The following TRPM6 variants were observed in gnomAD, a reference collection of about 807,000 sequenced individuals.
TRPM6 encodes the protein channel kinase 2.
A neutral mutation model predicts 247.6 loss-of-function variants in TRPM6; 111 were observed. That is an observed-to-expected ratio of 0.45 (90% CI 0.38 to 0.52). TRPM6 has a LOEUF of 0.52. TRPM6 is among the 20% of genes least tolerant of loss of function. The probability of loss-of-function intolerance (pLI) is 0.00; values close to 1 mark genes in which losing one functional copy is unlikely to be tolerated. For missense variants in TRPM6, 2,126 were observed against 2,421.5 expected, an observed-to-expected ratio of 0.88 and a Z score of 2.56; for synonymous variants, 892 against 853.8, an observed-to-expected ratio of 1.04 and a Z score of -0.78.
At chr9:74,828,093 C>G in intron 6 of TRPM6, 144 bp from the exon 7 acceptor site, 1 of 837,508 alleles carries the variant, frequency 1.2e-6, no homozygotes, top group Non-Finnish European at 1.8e-6. Context: ...GTGGCTCATG[C>G]CTGTAATCCC....
Position 74,725,046 on chromosome 9 carries a change from C to A in TRPM6, c.5936-300G>T, listed in dbSNP as rs114410984. ...ATAATCTGGCCAGAGTTAAGTAAGA[C>A]CAAATGGGAAATGGGGCATTTTACT... On this transcript the variant is annotated intron_variant, in intron 38 of 38. Coordinates refer to ENST00000360774, the MANE Select transcript of TRPM6 (RefSeq NM_017662.5). 5.6e-3 allele frequency among the ~76,000 whole-genome samples: 857 copies of A among 152,166 alleles called. 9 individuals carry two copies. Among genetic ancestry groups the A allele is most frequent in the African/African-American group, 0.02 (827 of 41,512 alleles).
At chr9:74,808,469 A>G (rs1264513930) in intron 13 of TRPM6, among the ~76,000 whole-genome samples, 1 of 152,218 alleles carries the variant, frequency 6.6e-6, no homozygotes, top group African/African-American at 2.4e-5. Context: ...ACACAAACAT[A>G]TATACACACA....
chr9:74,878,612 C>A (rs1368750811), intron 1 of TRPM6, among the ~76,000 whole-genome samples: 4 of 152,120 alleles, frequency 2.6e-5, no homozygotes, highest in Non-Finnish European at 4.4e-5. Context: ...GCCACATAAA[C>A]GTCTTCAGAA....
At chr9:74,782,034 A>G (rs1334143038) in intron 23 of TRPM6, among the ~76,000 whole-genome samples, 5 of 152,216 alleles carry the variant, frequency 3.3e-5, no homozygotes, top group Non-Finnish European at 7.3e-5. Context: ...GAGATGCTTT[A>G]AAGTATACAG....
At chr9:74,821,538 T>C in intron 8 of TRPM6, 131 bp downstream of exon 8, 1 of 1,101,416 alleles carries the variant, frequency 9.1e-7, no homozygotes, top group Non-Finnish European at 1.4e-6. Flanking sequence ...ACACAGTCAC[T>C]GAGAAATGAA....
At chr9:74,745,462 C>CGTGT (rs377055848) in intron 31 of TRPM6, among the ~76,000 whole-genome samples, 28 of 145,822 alleles carry the variant, frequency 1.9e-4, no homozygotes, top group East Asian at 1.2e-3. Context: ...TGTGTGTGTG[C>CGTGT]GTGTGTGTGT....
At chr9:74,873,920 G>T (rs1831107323) in intron 1 of TRPM6, among the ~76,000 whole-genome samples, 1 of 151,926 alleles carries the variant, frequency 6.6e-6, no homozygotes, top group Non-Finnish European at 1.5e-5. Flanking sequence ...TTTTTAGGAG[G>T]AAAAAGATGT....
chr9:74,861,909 G>A (rs1044459329), intron 1 of TRPM6, among the ~76,000 whole-genome samples: 1 of 151,886 alleles, frequency 6.6e-6, no homozygotes, highest in African/African-American at 2.4e-5. Flanking sequence ...CCCCATGCCA[G>A]TCATTTCTAT....
intron 7 of TRPM6, among the ~76,000 whole-genome samples, chr9:74,824,761 C>T (rs1382380683): frequency 6.6e-6 from 1 of 152,166 alleles, no homozygotes; most frequent in Admixed American, 6.6e-5. Context: ...ACAGAGGCAT[C>T]AGAGCCTATG....
Position 74,812,338 on chromosome 9 carries a change from G to A in TRPM6, c.1404C>T (p.Arg468=), listed in dbSNP as rs771130770. ...LLIEYGVNLH[R]FLTIPRLEEL... is the part of the protein sequence containing the mutation. ...CTTCCAGTCGAGGGATGGTAAGAAA[G>A]CGATGGAGGTTCACTCCATATTCTA... The change falls in exon 12 of 39, where the codon CGC becomes CGT. Residue 468 remains arginine (R), a synonymous_variant. Coordinates refer to ENST00000360774, the MANE Select transcript of TRPM6 (RefSeq NM_017662.5). 6.2e-7 allele frequency: 1 copy of A among 1,613,748 alleles called. No individual in the cohort carries two copies. The highest frequency in any genetic ancestry group is 1.1e-5 in the South Asian group (1 of 91,070).
chr9:74,748,317 G>T (rs974366278), intron 30 of TRPM6, among the ~76,000 whole-genome samples: 2 of 152,218 alleles, frequency 1.3e-5, no homozygotes, highest in African/African-American at 2.4e-5. Flanking sequence ...ACAGGTTTAT[G>T]TATTTATTAT....
intron 25 of TRPM6, 125 bp downstream of exon 25, chr9:74,771,578 A>G (rs1233567601): frequency 4.6e-6 from 4 of 876,094 alleles, no homozygotes; most frequent in Non-Finnish European, 5.4e-6. Context: ...ATATGTTGTT[A>G]AATGTTTCAA....
chr9:74,764,123 CAA>C (rs79224540), intron 25 of TRPM6, among the ~76,000 whole-genome samples: 28 of 98,276 alleles, frequency 2.8e-4, no homozygotes, highest in Admixed American at 6.8e-4. Flanking sequence ...GACTCCATCT[CAA>C]AAAAAAAAAA....
rs377261600 is a variant in TRPM6, at chr9:74,827,888, A to G, written c.731T>C (p.Met244Thr). The change falls in exon 7 of 39, where the codon ATG (methionine) becomes ACG (threonine). Residue 244 changes from methionine to threonine, a missense_variant. By Grantham distance (81) the Met-to-Thr change is moderately conservative. This residue lies in a region of TRPM6 where 1,082 missense variants were observed against 1,307.9 expected (regional missense o/e 0.83). Coordinates refer to ENST00000360774, the MANE Select transcript of TRPM6 (RefSeq NM_017662.5). ...ATCAGACAGGATGAAGTGCGAGTGC[A>G]TGCTGTTGAGTGTTGTGAGCTTGCT... ...PLSKLTTLNSMHSHFILSDDG... is the reference protein window; with the variant it reads ...PLSKLTTLNSTHSHFILSDDG... 2 of 1,613,958 alleles carry G rather than the reference A, an allele frequency of 1.2e-6. No individual in the cohort carries two copies. The highest frequency in any genetic ancestry group is 1.1e-5 in the South Asian group (1 of 91,082).
Position 74,816,200 on chromosome 9 carries a change from A to C in TRPM6, c.1308+469T>G, listed in dbSNP as rs138347963. Among the ~76,000 whole-genome samples, 26 of 152,172 alleles carry C rather than the reference A, an allele frequency of 1.7e-4. No individual in the cohort carries two copies. The East Asian group carries it at 5.0e-3, about 29-fold the overall frequency. On this transcript the variant is annotated intron_variant, in intron 11 of 38. Coordinates refer to ENST00000360774, the MANE Select transcript of TRPM6 (RefSeq NM_017662.5). ...AGTCGTTGTCTCAAATAATAAAATA[A>C]AATACAATTTCCAAAGAAATTAGTT...
At chr9:74,813,664 A>C (rs1281073444) in intron 11 of TRPM6, among the ~76,000 whole-genome samples, 1 of 152,242 alleles carries the variant, frequency 6.6e-6, no homozygotes, top group African/African-American at 2.4e-5. Context: ...ATTTCCAAAG[A>C]GTTTTTTATC....
At chr9:74,811,087 TAATA>T (rs1196423675) in intron 12 of TRPM6, among the ~76,000 whole-genome samples, 1 of 152,218 alleles carries the variant, frequency 6.6e-6, no homozygotes, top group East Asian at 1.9e-4. Flanking sequence ...AATATGTAGA[TAATA>T]AAGACTTTAT....
At chr9:74,740,930 C>G (rs953294231) in intron 33 of TRPM6, among the ~76,000 whole-genome samples, 1 of 152,082 alleles carries the variant, frequency 6.6e-6, no homozygotes, top group Admixed American at 6.5e-5. Context: ...CAGCTGGAGT[C>G]AAACAGTACC....
At chr9:74,736,438 A>T (rs893964844) in intron 36 of TRPM6, among the ~76,000 whole-genome samples, 8 of 152,230 alleles carry the variant, frequency 5.3e-5, no homozygotes, top group African/African-American at 1.9e-4. Context: ...TAAAACCATT[A>T]AGAGATTTTA....
Sources: allele counts gnomAD v4.1 joint callset (sites outside exome capture counted in the v4.1 genomes callset), GRCh38; gene constraint gnomAD v4.1.1; regional missense constraint gnomAD v4.1.1; transcripts MANE v1.5; gene names NCBI Gene and HGNC (gene_info 2026-07-23, HGNC 2026-07-21).